The following HNRNPF variants were observed in gnomAD, a reference collection of about 807,000 sequenced individuals.
The protein encoded by HNRNPF is HnRNP F protein.
A neutral mutation model predicts 26.0 loss-of-function variants in HNRNPF; 2 were observed. That is an observed-to-expected ratio of 0.08 (90% CI 0.03 to 0.24). The LOEUF is 0.24. Among genes scored for constraint, HNRNPF ranks in the 10% least tolerant of loss-of-function variants. HNRNPF has a pLI of 1.00. For missense variants in HNRNPF, 299 were observed against 539.2 expected (o/e 0.55, Z 4.41); for synonymous variants, 234 against 211.5 (o/e 1.11, Z -0.92).
At chr10:43,398,478 A>C (rs929617961) in intron 1 of HNRNPF, among the ~76,000 whole-genome samples, 76 of 150,470 alleles carry the variant, frequency 5.1e-4, no homozygotes, top group African/African-American at 1.8e-3. Flanking sequence ...AGTAGCTGGG[A>C]TTATAGGCGT....
At chr10:43,394,402 T>G (rs1838376876) in intron 3 of HNRNPF, among the ~76,000 whole-genome samples, 1 of 152,220 alleles carries the variant, frequency 6.6e-6, no homozygotes, top group South Asian at 2.1e-4. Flanking sequence ...TGTGTACACT[T>G]AAAACACTTA....
chr10:43,405,835 G>A (rs117643061), intron 1 of HNRNPF, among the ~76,000 whole-genome samples: 1 of 152,036 alleles, frequency 6.6e-6, no homozygotes, highest in Non-Finnish European at 1.5e-5. Context: ...AATAAGCCAG[G>A]GCGGTCTTGG....
intron 3 of HNRNPF, among the ~76,000 whole-genome samples, chr10:43,389,464 C>T (rs1297131720): frequency 6.6e-6 from 1 of 152,128 alleles, no homozygotes; most frequent in East Asian, 1.9e-4. Flanking sequence ...TAAATAAATG[C>T]TCAACTGCAC....
In HNRNPF at chr10:43,389,151, T is replaced by C. The variant is rs565965864; in HGVS notation, c.-52-1215A>G. On this transcript the variant is annotated intron_variant, in intron 3 of 3. Transcript: ENST00000682386. Reference sequence around the variant, plus strand: ...ACGCACGGCTAATTTTTTATACTTTTAGGAGATACGGGATTTCACCATGTT... The same window carrying C: ...ACGCACGGCTAATTTTTTATACTTTCAGGAGATACGGGATTTCACCATGTT... 2.0e-5 allele frequency among the ~76,000 whole-genome samples: 3 copies of C among 152,110 alleles called. No homozygotes were observed. In the South Asian group the frequency reaches 6.2e-4, roughly 32 times the overall value.
At chr10:43,405,243 G>T (rs757572435) in intron 1 of HNRNPF, among the ~76,000 whole-genome samples, 2 of 152,174 alleles carry the variant, frequency 1.3e-5, no homozygotes, top group Admixed American at 6.6e-5. Context: ...AAGAATATAA[G>T]ATTACATTTA....
intron 3 of HNRNPF, among the ~76,000 whole-genome samples, chr10:43,393,338 G>A (rs763574151): frequency 6.6e-6 from 1 of 152,154 alleles, no homozygotes; most frequent in African/African-American, 2.4e-5. Context: ...GCTCATGCCT[G>A]TAATCCTAGC....
chr10:43,401,843 C>T (rs1588998856), intron 1 of HNRNPF, among the ~76,000 whole-genome samples: 1 of 152,252 alleles, frequency 6.6e-6, no homozygotes, highest in Admixed American at 6.5e-5. Flanking sequence ...TCCATGGAAA[C>T]ATGACACCTT....
At chr10:43,405,738 A>T (rs1838895858) in intron 1 of HNRNPF, among the ~76,000 whole-genome samples, 2 of 152,170 alleles carry the variant, frequency 1.3e-5, no homozygotes, top group South Asian at 4.2e-4. Flanking sequence ...GCATGACAGC[A>T]GTATCATGGT....
rs554196743 is a variant in HNRNPF at position 43,387,958 on chromosome 10, A to T, written c.-52-22T>A. The T allele has an allele frequency of 3.5e-5, 46 of 1,318,888 alleles. No individual in the cohort carries two copies. The East Asian group carries it at 9.6e-4, about 28-fold the overall frequency. The allele number at this position is 1,318,888 out of a possible 1,614,324, so 81.7% of individuals were successfully genotyped here. On this transcript the variant is annotated intron_variant, in intron 3 of 3. Transcript: ENST00000682386. The surrounding 1 kb of genome is among the most constrained non-coding windows in gnomAD (Gnocchi z 6.0). ...GTGGCTGGAAAAAAAAAAAAGAAAA[A>T]TTTATTTAGTATGCAACAGAAATTT...
intron 2 of HNRNPF, among the ~76,000 whole-genome samples, chr10:43,395,260 G>T (rs1838434559): frequency 6.6e-6 from 1 of 152,168 alleles, no homozygotes; most frequent in Non-Finnish European, 1.5e-5. Flanking sequence ...AAATTGTTCA[G>T]TCTGATTTAT....
intron 3 of HNRNPF, among the ~76,000 whole-genome samples, chr10:43,389,932 C>T (rs915688881): frequency 1.3e-5 from 2 of 152,162 alleles, no homozygotes; most frequent in African/African-American, 4.8e-5. Context: ...ATAAAATAAT[C>T]CTGAACGGCA....
At chr10:43,408,230 G>A (rs1363756593) in intron 1 of HNRNPF, among the ~76,000 whole-genome samples, 1 of 152,208 alleles carries the variant, frequency 6.6e-6, no homozygotes, top group African/African-American at 2.4e-5. Context: ...GCAGTCGCCA[G>A]CTCCCCGCCA....
rs1169897781 is a variant in HNRNPF at position 43,387,666 on chromosome 10, T to C, written c.219A>G (p.Lys73=). The C allele has an allele frequency of 1.2e-6, 2 of 1,614,152 alleles. No individual in the cohort carries two copies. Among genetic ancestry groups the C allele is most frequent in the African/African-American group, 1.3e-5 (1 of 75,034 alleles). ...ACCGGTGTCCCATGCTTTCCCTGTC[T>C]TTTTTCAGGGCCATTTTTACATCAT... The part of the protein sequence containing the change: ...SEDDVKMALK[K]DRESMGHRYI... The change falls in exon 4 of 4, where the codon AAA becomes AAG. Residue 73 remains lysine (K), a synonymous_variant. Coordinates refer to ENST00000682386, the MANE Select transcript of HNRNPF (RefSeq NM_001098204.2). The surrounding 1 kb of genome is among the most constrained non-coding windows in gnomAD (Gnocchi z 6.0).
At position 43,387,166 on chromosome 10, in the gene HNRNPF, T is replaced by A. The variant is rs767643954; in HGVS notation, c.719A>T (p.Tyr240Phe). 4 of 1,614,172 alleles carry A rather than the reference T, an allele frequency of 2.5e-6. No individual in the cohort carries two copies. Among genetic ancestry groups the A allele is most frequent in the East Asian group, 2.2e-5 (1 of 44,880 alleles). ...GCCACTGTACTCCTCGTAGCCCCCGTAGCCTGTGCTGTAGGCACCAGGCCT... is the reference window on the plus strand; with the variant it reads ...GCCACTGTACTCCTCGTAGCCCCCGAAGCCTGTGCTGTAGGCACCAGGCCT... ...RMRPGAYSTG[Y>F]GGYEEYSGLS... The change falls in exon 4 of 4, where the codon TAC (tyrosine) becomes TTC (phenylalanine). Residue 240 changes from tyrosine (Y) to phenylalanine (F), a missense_variant. Tyr to Phe is a conservative substitution (Grantham distance 22). Transcript: ENST00000682386. This position sits in a 1 kb window ranked among gnomAD's most constrained non-coding sequence, Gnocchi z 6.0.
At chr10:43,408,265 C>T (rs530937959) in intron 1 of HNRNPF, among the ~76,000 whole-genome samples, 3 of 152,150 alleles carry the variant, frequency 2.0e-5, no homozygotes, top group Non-Finnish European at 2.9e-5. Flanking sequence ...CGCACCCGGC[C>T]GTCCGTGCCT....
intron 1 of HNRNPF, among the ~76,000 whole-genome samples, chr10:43,406,616 C>T (rs1838926462): frequency 6.6e-6 from 1 of 151,836 alleles, no homozygotes; most frequent in African/African-American, 2.4e-5. Flanking sequence ...ATCCGTTGAG[C>T]ACAGGAGGAT....
At chr10:43,389,269 G>A (rs930364783) in intron 3 of HNRNPF, among the ~76,000 whole-genome samples, 3 of 152,178 alleles carry the variant, frequency 2.0e-5, no homozygotes, top group African/African-American at 7.2e-5. Context: ...ACCATGCACA[G>A]CTGGAAATCG....
At chr10:43,408,793 AGAG>A (rs1178355628) in intron 1 of HNRNPF, 2 of 152,322 alleles carry the variant, frequency 1.3e-5, no homozygotes, top group Non-Finnish European at 2.9e-5. Flanking sequence ...TGGAGCACCT[AGAG>A]GAGGGTGGGA....
At chr10:43,406,506 G>A (rs1461610361) in intron 1 of HNRNPF, among the ~76,000 whole-genome samples, 1 of 152,076 alleles carries the variant, frequency 6.6e-6, no homozygotes, top group Non-Finnish European at 1.5e-5. Context: ...ATCAATCTGG[G>A]CAACATAAGG....
Sources: gnomAD v4.1 joint callset for allele counts (sites outside exome capture counted in the v4.1 genomes callset) on GRCh38, gnomAD v4.1.1 for gene constraint, Gnocchi (gnomAD v3.1) non-coding constraint, MANE v1.5 for transcripts, NCBI Gene and HGNC (gene_info 2026-07-23, HGNC 2026-07-21) for gene names.